NRXN1: variants seen among roughly 807,000 people sequenced by gnomAD.
NRXN1 encodes neurexin-1.
NRXN1 carries 39 observed loss-of-function variants against 150.9 expected under a neutral mutation model. The observed-to-expected ratio is 0.26, with a 90% CI of 0.20 to 0.34. The LOEUF (loss-of-function observed/expected upper bound fraction) is 0.34, where lower values mean the gene tolerates loss of function less well. Ranked by LOEUF, NRXN1 falls within the 10% of genes least tolerant of loss-of-function variation. NRXN1 has a pLI of 1.00. For missense variants in NRXN1, 1,815 were observed against 1,949.9 expected (o/e 0.93, Z 1.30); for synonymous variants, 924 against 757.0 (o/e 1.22, Z -3.62).
intron 5 of NRXN1, among the ~76,000 whole-genome samples, chr2:50,864,982 G>A (rs1676677442): frequency 6.6e-6 from 1 of 151,892 alleles, no homozygotes; most frequent in Admixed American, 6.6e-5. Flanking sequence ...GCCTTTATAG[G>A]ATTTCAGTTT....
At position 51,026,439 on chromosome 2, in the gene NRXN1, G is replaced by A. The variant is rs184695687; in HGVS notation, c.772+1063C>T. The A allele has an allele frequency of 4.3e-5, 69 of 1,604,814 alleles. No individual in the cohort carries two copies. The highest frequency in any genetic ancestry group is 1.3e-4 in the East Asian group (6 of 44,758). On this transcript the variant is annotated intron_variant, in intron 2 of 22. Transcript: ENST00000401669. ...TTGGTCATTGTCATGTAACAGCACC[G>A]GCAAAACACACTGAAGACCGAATTT...
rs533558338 is a variant in NRXN1 at position 50,301,588 on chromosome 2, T to C, written c.3365-64618A>G. Among the ~76,000 whole-genome samples the C allele has an allele frequency of 1.8e-4, 27 of 152,302 alleles. No homozygotes were observed. In the South Asian group the frequency reaches 5.0e-3, roughly 28 times the overall value. ...TTCTTCTTCAACAAGGGAAAAGTCA[T>C]CAATTTAGATGGTAAGCAATGTCCT... On this transcript the variant is annotated intron_variant, in intron 17 of 22. Transcript: ENST00000401669.
At chr2:50,486,045 C>T (rs1399684612) in intron 15 of NRXN1, among the ~76,000 whole-genome samples, 2 of 152,002 alleles carry the variant, frequency 1.3e-5, no homozygotes, top group Admixed American at 1.3e-4. Flanking sequence ...TATATAATTA[C>T]CTTAACAGTG....
chr2:50,793,680 A>T (rs1375185436), intron 5 of NRXN1, among the ~76,000 whole-genome samples: 4 of 152,122 alleles, frequency 2.6e-5, no homozygotes, highest in African/African-American at 9.7e-5. Context: ...TAAACAGAAG[A>T]TAAAAATCCA....
intron 21 of NRXN1, chr2:49,945,121 A>T (rs1345724334): frequency 6.6e-6 from 1 of 152,196 alleles, no homozygotes; most frequent in Admixed American, 6.5e-5. Flanking sequence ...ACCTTTAAAT[A>T]GCATTGGAGA....
chr2:50,539,211 T>G (rs1460071089), intron 9 of NRXN1, among the ~76,000 whole-genome samples: 1 of 152,120 alleles, frequency 6.6e-6, no homozygotes, highest in African/African-American at 2.4e-5. Context: ...TAATATTACC[T>G]ACCTTATAGA....
intron 21 of NRXN1, among the ~76,000 whole-genome samples, chr2:50,032,306 T>C (rs1355340839): frequency 6.6e-6 from 1 of 152,068 alleles, no homozygotes; most frequent in East Asian, 1.9e-4. Flanking sequence ...GAATGAGATA[T>C]TTGACCTGAA....
rs796659757 is a variant in NRXN1 at position 50,317,460 on chromosome 2, GATA to G, written c.3365-80493_3365-80491del. 3.0e-4 allele frequency among the ~76,000 whole-genome samples: 45 copies of G among 151,724 alleles called. 1 individual carries two copies. The highest frequency in any genetic ancestry group is 9.2e-4 in the African/African-American group (38 of 41,432). ...TACAATGGAAGCTAGAGGGCAATGGGATAATATCTCCAAAATATAAGAGACAAC... is the reference window on the plus strand; with the variant it reads ...TACAATGGAAGCTAGAGGGCAATGGGATATCTCCAAAATATAAGAGACAAC... On this transcript the variant is annotated intron_variant, in intron 17 of 22. Coordinates refer to ENST00000401669, the MANE Select transcript of NRXN1 (RefSeq NM_001330078.2).
chr2:50,803,379 T>C (rs766920100), intron 5 of NRXN1, among the ~76,000 whole-genome samples: 9 of 152,186 alleles, frequency 5.9e-5, no homozygotes, highest in Non-Finnish European at 1.2e-4. Flanking sequence ...CCCCCATACA[T>C]GATCAACTGA....
At chr2:50,960,187 A>T (rs565653158) in intron 2 of NRXN1, among the ~76,000 whole-genome samples, 30 of 152,146 alleles carry the variant, frequency 2.0e-4, no homozygotes, top group Middle Eastern at 3.4e-3. Context: ...CTCCATAAAA[A>T]GGTTAGCGAG....
At chr2:50,623,788 A>T (rs78879318) in intron 5 of NRXN1, among the ~76,000 whole-genome samples, 173 bp from the exon 6 acceptor site, 50 of 152,198 alleles carry the variant, frequency 3.3e-4, no homozygotes, top group Admixed American at 9.8e-4. Context: ...TTTTTAAAAA[A>T]TTTTATTATT....
At chr2:50,794,260 T>C (rs1706474317) in intron 5 of NRXN1, among the ~76,000 whole-genome samples, 2 of 152,130 alleles carry the variant, frequency 1.3e-5, no homozygotes, top group Admixed American at 6.6e-5. Context: ...TTTGTCGGCA[T>C]CAAATTCACA....
intron 18 of NRXN1, among the ~76,000 whole-genome samples, chr2:50,142,874 C>T (rs1368626646): frequency 6.6e-6 from 1 of 151,588 alleles, no homozygotes; most frequent in Admixed American, 6.6e-5. Context: ...AAAGCGAAAC[C>T]CAGGCATAGA....
At chr2:50,885,124 C>A (rs1273443420) in intron 5 of NRXN1, among the ~76,000 whole-genome samples, 1 of 151,498 alleles carries the variant, frequency 6.6e-6, no homozygotes, top group African/African-American at 2.4e-5. Context: ...GTAACTATAG[C>A]AACCTTGCAA....
At chr2:50,970,362 G>A (rs1694813849) in intron 2 of NRXN1, among the ~76,000 whole-genome samples, 1 of 151,968 alleles carries the variant, frequency 6.6e-6, no homozygotes, top group African/African-American at 2.4e-5. Context: ...ATTGTTTTCT[G>A]AACCCCAACA....
chr2:51,011,316 T>C (rs1667825083), intron 2 of NRXN1, among the ~76,000 whole-genome samples: 1 of 152,024 alleles, frequency 6.6e-6, no homozygotes, highest in Admixed American at 6.6e-5. Context: ...CAGACTCTGG[T>C]AGCTCTTACG....
chr2:50,329,776 T>A (rs2076713996), intron 17 of NRXN1, among the ~76,000 whole-genome samples: 1 of 148,112 alleles, frequency 6.8e-6, no homozygotes, highest in Admixed American at 6.8e-5. Flanking sequence ...CAGGTTCGAA[T>A]GATTCTCCAG....
Position 51,028,171 on chromosome 2 carries a change from C to T in NRXN1, c.103G>A (p.Gly35Ser), listed in dbSNP as rs1460174762. 2.6e-6 allele frequency: 4 copies of T among 1,515,778 alleles called. No homozygotes were observed. The highest frequency in any genetic ancestry group is 3.5e-6 in the Non-Finnish European group (4 of 1,135,672). The allele number at this position is 1,515,778 out of a possible 1,614,324, so 93.9% of individuals were successfully genotyped here. ...AELGSGLEFP[G>S]AEGQWTRFPK... ...AAGCGCGTCCATTGGCCCTCGGCGCCCGGAAACTCCAGCCCGCTGCCCAGC... is the reference window on the plus strand; with the variant it reads ...AAGCGCGTCCATTGGCCCTCGGCGCTCGGAAACTCCAGCCCGCTGCCCAGC... The change falls in exon 2 of 23, where the codon GGC (glycine) becomes AGC (serine). Residue 35 changes from glycine (G) to serine (S), a missense_variant. Gly to Ser is a moderately conservative substitution (Grantham distance 56). Coordinates refer to ENST00000401669, the MANE Select transcript of NRXN1 (RefSeq NM_001330078.2).
rs533915560 is a variant in NRXN1 at position 50,104,550 on chromosome 2, C to T, written c.3547-13056G>A. Among the ~76,000 whole-genome samples the T allele has an allele frequency of 5.3e-5, 8 of 152,022 alleles. No homozygotes were observed. In the East Asian group the frequency reaches 7.7e-4, roughly 15 times the overall value. On this transcript the variant is annotated intron_variant, in intron 18 of 22. Transcript: ENST00000401669. ...GAAGGGCAGGATTTGGCAGCAGATG[C>T]GTGATGATGATAATGATGATGATAG... is the stretch of plus-strand genomic sequence containing the variant.
Sources: allele counts gnomAD v4.1 joint callset (sites outside exome capture counted in the v4.1 genomes callset), GRCh38; gene constraint gnomAD v4.1.1; transcripts MANE v1.5; gene names NCBI Gene and HGNC (gene_info 2026-07-23, HGNC 2026-07-21).